PTPRD: variants seen among roughly 807,000 people sequenced by gnomAD.
PTPRD encodes the protein receptor-type tyrosine-protein phosphatase delta.
PTPRD carries 34 observed loss-of-function variants against 214.5 expected under a neutral mutation model. The ratio of observed to expected loss-of-function variants is 0.16; its 90% CI spans 0.12 to 0.21. The LOEUF (loss-of-function observed/expected upper bound fraction) is 0.21, where lower values mean the gene tolerates loss of function less well. PTPRD is among the 10% of genes least tolerant of loss of function. The probability of loss-of-function intolerance (pLI) is 1.00; values close to 1 mark genes in which losing one functional copy is unlikely to be tolerated. For missense variants in PTPRD, 2,545 were observed against 2,398.7 expected (o/e 1.06, Z -1.27); for synonymous variants, 1,128 against 845.7 (o/e 1.33, Z -5.79).
intron 3 of PTPRD, among the ~76,000 whole-genome samples, chr9:10,111,229 CTTTTTTTTTTT>C (rs34045121): frequency 2.8e-5 from 2 of 72,150 alleles, no homozygotes; most frequent in African/African-American, 1.1e-4. Context: ...AGTTTAGTTT[CTTTTTTTTTTT>C]TTTTTTTTTT....
chr9:9,795,075 G>A (rs2153484260), intron 5 of PTPRD, among the ~76,000 whole-genome samples: 1 of 152,274 alleles, frequency 6.6e-6, no homozygotes, highest in Non-Finnish European at 1.5e-5. Flanking sequence ...GCCCTTGCGT[G>A]GGCTTCACAT....
chr9:8,811,881 A>G (rs10123694), intron 11 of PTPRD, among the ~76,000 whole-genome samples: 119,716 of 152,142 alleles, frequency 0.79, 47,722 homozygotes, highest in African/African-American at 0.93. Context: ...ATCTCAGAGC[A>G]TTTCCCATCT....
chr9:9,977,639 G>A (rs1335454936), intron 4 of PTPRD, among the ~76,000 whole-genome samples: 1 of 152,096 alleles, frequency 6.6e-6, no homozygotes, highest in Non-Finnish European at 1.5e-5. Context: ...AAATTGCCAT[G>A]AGTACGACTG....
At chr9:10,250,307 C>T (rs1322144) in intron 3 of PTPRD, among the ~76,000 whole-genome samples, 88,210 of 151,852 alleles carry the variant, frequency 0.58, 27,478 homozygotes, top group East Asian at 0.73. Context: ...TGACCCTTTA[C>T]TCATCTATAT....
intron 10 of PTPRD, among the ~76,000 whole-genome samples, chr9:9,124,967 A>G (rs1308247704): frequency 6.6e-6 from 1 of 152,210 alleles, no homozygotes; most frequent in African/African-American, 2.4e-5. Flanking sequence ...TGCTGTATTG[A>G]GCAACTGGTT....
At chr9:10,102,423 A>G (rs1336076385) in intron 3 of PTPRD, among the ~76,000 whole-genome samples, 1 of 147,008 alleles carries the variant, frequency 6.8e-6, no homozygotes, top group East Asian at 2.0e-4. Flanking sequence ...AACCCACTAA[A>G]CTTATTATTA....
intron 12 of PTPRD, among the ~76,000 whole-genome samples, chr9:8,650,998 C>T (rs1044780803): frequency 1.3e-5 from 2 of 151,874 alleles, no homozygotes; most frequent in African/African-American, 4.8e-5. Context: ...GAACCAATAA[C>T]ATTTTGTAGG....
At chr9:9,704,212 A>G (rs1003887486) in intron 7 of PTPRD, among the ~76,000 whole-genome samples, 58 of 152,064 alleles carry the variant, frequency 3.8e-4, no homozygotes, top group African/African-American at 1.3e-3. Context: ...CATTTTAACG[A>G]ACTATTGTCT....
intron 3 of PTPRD, among the ~76,000 whole-genome samples, chr9:10,103,230 G>A (rs2154216376): frequency 6.6e-6 from 1 of 151,106 alleles, no homozygotes; most frequent in Non-Finnish European, 1.5e-5. Flanking sequence ...ACTTTATATA[G>A]CTTGTCCTTT....
chr9:10,562,417 A>G (rs1028134624), intron 2 of PTPRD, among the ~76,000 whole-genome samples: 1 of 151,518 alleles, frequency 6.6e-6, no homozygotes, highest in African/African-American at 2.4e-5. Flanking sequence ...ACTGTTCTGT[A>G]TGTTTGTCTG....
At position 8,720,950 on chromosome 9, in the gene PTPRD, G is replaced by C. The variant is rs531606529; in HGVS notation, c.64+12830C>G. On this transcript the variant is annotated intron_variant, in intron 12 of 45. Coordinates refer to ENST00000381196, the MANE Select transcript of PTPRD (RefSeq NM_002839.4). The stretch of plus-strand genomic sequence containing the variant: ...TTTCAGCTGTTCTGCCTCTTCTCTG[G>C]ACAGGGAATCATGAGTGTGTGTTTT... Among the ~76,000 whole-genome samples, 19 of 152,022 alleles carry C rather than the reference G, an allele frequency of 1.2e-4. No individual in the cohort carries two copies. In the South Asian group the frequency reaches 1.5e-3, roughly 12 times the overall value.
chr9:9,544,536 G>C (rs977333002), intron 8 of PTPRD, among the ~76,000 whole-genome samples: 1 of 151,548 alleles, frequency 6.6e-6, no homozygotes, highest in African/African-American at 2.4e-5. Context: ...AGCAGTTTGA[G>C]AACATCTCTC....
At chr9:9,129,983 T>C (rs2099840136) in intron 10 of PTPRD, among the ~76,000 whole-genome samples, 1 of 152,152 alleles carries the variant, frequency 6.6e-6, no homozygotes. Context: ...GGGTATGAGT[T>C]AAGATATATT....
chr9:10,527,107 A>C (rs1054185538), intron 2 of PTPRD, among the ~76,000 whole-genome samples: 2 of 152,162 alleles, frequency 1.3e-5, no homozygotes, highest in African/African-American at 4.8e-5. Flanking sequence ...AGACAAATAC[A>C]ATTGGAAAGA....
chr9:8,530,031 C>T (rs1305613608), intron 14 of PTPRD, among the ~76,000 whole-genome samples: 1 of 152,026 alleles, frequency 6.6e-6, no homozygotes, highest in Non-Finnish European at 1.5e-5. Context: ...GCGAGCAGAA[C>T]ATTAGATATC....
chr9:10,267,980 T>TA (rs1281206063), intron 3 of PTPRD, among the ~76,000 whole-genome samples: 1 of 152,004 alleles, frequency 6.6e-6, no homozygotes, highest in Non-Finnish European at 1.5e-5. Context: ...AAAAATATGC[T>TA]AAAAAAATAG....
At chr9:9,290,633 C>T (rs1357624592) in intron 9 of PTPRD, among the ~76,000 whole-genome samples, 3 of 151,222 alleles carry the variant, frequency 2.0e-5, no homozygotes, top group Non-Finnish European at 4.4e-5. Context: ...TTAATTTTAA[C>T]GTTAGAAAGC....
At chr9:9,053,313 T>C (rs1035210184) in intron 10 of PTPRD, among the ~76,000 whole-genome samples, 8 of 152,072 alleles carry the variant, frequency 5.3e-5, no homozygotes, top group Non-Finnish European at 1.0e-4. Flanking sequence ...TATTAAGAAA[T>C]AATCATTAAA....
At chr9:9,298,055 A>G (rs1266270236) in intron 9 of PTPRD, among the ~76,000 whole-genome samples, 1 of 151,724 alleles carries the variant, frequency 6.6e-6, no homozygotes, top group Non-Finnish European at 1.5e-5. Flanking sequence ...AATGTGAGAG[A>G]CAATGGATGG....
Sources: allele counts gnomAD v4.1 joint callset (sites outside exome capture counted in the v4.1 genomes callset), GRCh38; gene constraint gnomAD v4.1.1; transcripts MANE v1.5; gene names NCBI Gene and HGNC (gene_info 2026-07-23, HGNC 2026-07-21).